Variants in CTNNA3 observed in about 807,000 individuals in gnomAD.
CTNNA3 encodes catenin alpha-3.
A neutral mutation model predicts 95.7 loss-of-function variants in CTNNA3; 76 were observed. The ratio of observed to expected loss-of-function variants is 0.79; its 90% CI spans 0.66 to 0.96. The LOEUF (loss-of-function observed/expected upper bound fraction) is 0.96, where lower values mean the gene tolerates loss of function less well. CTNNA3 is among the 40% of genes least tolerant of loss of function. The probability of loss-of-function intolerance (pLI) is 0.00; values close to 1 mark genes in which losing one functional copy is unlikely to be tolerated. For missense variants in CTNNA3, 1,191 were observed against 1,089.8 expected (o/e 1.09, Z -1.31); for synonymous variants, 431 against 374.4 (o/e 1.15, Z -1.74).
At chr10:66,087,477 C>T (rs569441294) in intron 14 of CTNNA3, among the ~76,000 whole-genome samples, 11 of 152,206 alleles carry the variant, frequency 7.2e-5, no homozygotes, top group African/African-American at 1.4e-4. Flanking sequence ...ATGCACAGGG[C>T]AGCTACTACA....
chr10:67,634,621 G>T (rs1407266616), intron 2 of CTNNA3, among the ~76,000 whole-genome samples: 3 of 152,140 alleles, frequency 2.0e-5, no homozygotes, highest in Non-Finnish European at 4.4e-5. Flanking sequence ...AAAATAAAGG[G>T]ATGGAGGAAA....
At chr10:66,957,419 TATATATATGCATATATATATATGC>T (rs1564793969) in intron 7 of CTNNA3, among the ~76,000 whole-genome samples, 2 of 32,976 alleles carry the variant, frequency 6.1e-5, no homozygotes, top group Non-Finnish European at 1.1e-4. Flanking sequence ...TATATGCATA[TATATATATGCATATATATATATGC>T]ATATATATAT....
In CTNNA3 at chr10:67,608,054, G is replaced by A. The variant is rs1391071434; in HGVS notation, c.100-1005C>T. Among the ~76,000 whole-genome samples, 5 of 151,840 alleles carry A rather than the reference G, an allele frequency of 3.3e-5. No homozygotes were observed. The East Asian group carries it at 5.8e-4, about 18-fold the overall frequency. On this transcript the variant is annotated intron_variant, in intron 2 of 17. Transcript: ENST00000433211. ...AATACAGTGAGAGAGAGTGGGGATC[G>A]GGGTGGTCAGGAAAGGCCTCTTGAC...
intron 11 of CTNNA3, among the ~76,000 whole-genome samples, chr10:66,476,867 A>G (rs1412716740): frequency 6.6e-6 from 1 of 152,026 alleles, no homozygotes; most frequent in Non-Finnish European, 1.5e-5. Flanking sequence ...TTTCATTGAT[A>G]TTTGTGTTTG....
At chr10:65,963,734 T>C (rs974350979) in intron 17 of CTNNA3, among the ~76,000 whole-genome samples, 4 of 152,224 alleles carry the variant, frequency 2.6e-5, no homozygotes, top group African/African-American at 9.6e-5. Flanking sequence ...GTAATGGATT[T>C]GAATGAACTA....
intron 6 of CTNNA3, among the ~76,000 whole-genome samples, chr10:67,185,948 C>T (rs1862823102): frequency 6.6e-6 from 1 of 150,832 alleles, no homozygotes; most frequent in Non-Finnish European, 1.5e-5. Flanking sequence ...TGAACCGGGA[C>T]CCAGGAGGCA....
intron 6 of CTNNA3, among the ~76,000 whole-genome samples, chr10:67,184,313 C>T (rs973215702): frequency 6.6e-6 from 1 of 152,192 alleles, no homozygotes; most frequent in African/African-American, 2.4e-5. Context: ...ATTGCTTTGA[C>T]TGTGCTGTGC....
At chr10:67,651,597 T>A (rs947960145) in intron 1 of CTNNA3, among the ~76,000 whole-genome samples, 5 of 152,348 alleles carry the variant, frequency 3.3e-5, no homozygotes, top group Admixed American at 6.5e-5. Context: ...TATGTAATGA[T>A]CAATTAATAA....
At chr10:67,310,077 C>G (rs1205631137) in intron 5 of CTNNA3, among the ~76,000 whole-genome samples, 1 of 152,110 alleles carries the variant, frequency 6.6e-6, no homozygotes, top group African/African-American at 2.4e-5. Flanking sequence ...TTATTTCTTG[C>G]ACAGTTCAGA....
intron 10 of CTNNA3, among the ~76,000 whole-genome samples, chr10:66,561,190 T>C (rs531982665): frequency 7.9e-5 from 12 of 152,140 alleles, no homozygotes; most frequent in South Asian, 2.1e-4. Context: ...TATCTTTTTA[T>C]CTAAAATCAA....
At chr10:66,348,452 T>C (rs908333402) in intron 12 of CTNNA3, among the ~76,000 whole-genome samples, 1 of 152,072 alleles carries the variant, frequency 6.6e-6, no homozygotes, top group African/African-American at 2.4e-5. Flanking sequence ...TTGAGTGTGA[T>C]AATGTATATA....
intron 7 of CTNNA3, among the ~76,000 whole-genome samples, chr10:67,169,298 T>G (rs1040181769): frequency 2.6e-5 from 4 of 152,154 alleles, no homozygotes; most frequent in African/African-American, 9.7e-5. Context: ...TTAAAATTCA[T>G]TTGGAACCAA....
chr10:66,022,502 T>A (rs943008755), intron 15 of CTNNA3, among the ~76,000 whole-genome samples: 1 of 152,046 alleles, frequency 6.6e-6, no homozygotes, highest in African/African-American at 2.4e-5. Context: ...AAAAATTACA[T>A]GTCAAATCTA....
At chr10:66,169,841 T>C (rs750642309) in intron 13 of CTNNA3, among the ~76,000 whole-genome samples, 10 of 152,216 alleles carry the variant, frequency 6.6e-5, no homozygotes, top group African/African-American at 1.7e-4. Context: ...TTTCTATTCA[T>C]GTCCTTAGCC....
At chr10:66,158,734 T>C (rs1484069929) in intron 13 of CTNNA3, among the ~76,000 whole-genome samples, 1 of 152,054 alleles carries the variant, frequency 6.6e-6, no homozygotes. Flanking sequence ...TAGATTGTTT[T>C]GGCAGTATGG....
chr10:67,666,794 A>G (rs1487535311), intron 1 of CTNNA3, among the ~76,000 whole-genome samples: 1 of 152,154 alleles, frequency 6.6e-6, no homozygotes, highest in East Asian at 1.9e-4. Context: ...TAGAGCCCAG[A>G]TTAATGCTTC....
At chr10:66,799,647 T>A (rs999335718) in intron 7 of CTNNA3, among the ~76,000 whole-genome samples, 1 of 150,896 alleles carries the variant, frequency 6.6e-6, no homozygotes, top group Admixed American at 6.6e-5. Context: ...ACAAGTTTAA[T>A]AAGAATCCCA....
At chr10:67,501,911 T>C (rs1007785817) in intron 5 of CTNNA3, among the ~76,000 whole-genome samples, 2 of 152,200 alleles carry the variant, frequency 1.3e-5, no homozygotes, top group African/African-American at 4.8e-5. Flanking sequence ...GGTTAGAGCA[T>C]GCTCCTTGCC....
intron 7 of CTNNA3, among the ~76,000 whole-genome samples, chr10:66,878,752 G>A (rs1844727880): frequency 6.6e-6 from 1 of 152,030 alleles, no homozygotes; most frequent in African/African-American, 2.4e-5. Context: ...ACCAGTAGAG[G>A]TGGCTTTTTC....
Sources: allele counts gnomAD v4.1 joint callset (sites outside exome capture counted in the v4.1 genomes callset), GRCh38; gene constraint gnomAD v4.1.1; transcripts MANE v1.5; gene names NCBI Gene and HGNC (gene_info 2026-07-23, HGNC 2026-07-21).